Variants in NYNRIN observed in about 807,000 individuals in gnomAD.
NYNRIN encodes NYN domain and retroviral integrase containing.
NYNRIN carries 86 observed loss-of-function variants against 146.6 expected under a neutral mutation model. That is an observed-to-expected ratio of 0.59 (90% CI 0.49 to 0.70). The LOEUF (loss-of-function observed/expected upper bound fraction) is 0.70, where lower values mean the gene tolerates loss of function less well. NYNRIN is among the 30% of genes least tolerant of loss of function. NYNRIN has a pLI of 0.00. For synonymous variants in NYNRIN, 1,027 were observed against 1,001.3 expected (o/e 1.03, Z -0.48); for missense variants, 2,191 against 2,377.7 (o/e 0.92, Z 1.63).
At chr14:24,414,051 G>A (rs1183081501) in intron 8 of NYNRIN, among the ~76,000 whole-genome samples, 8 of 152,212 alleles carry the variant, frequency 5.3e-5, no homozygotes, top group Admixed American at 2.0e-4. Flanking sequence ...GCAGTAACTT[G>A]GATCCTCTGC....
chr14:24,413,502 G>A (rs1343285908), intron 8 of NYNRIN, 85 bp downstream of exon 8: 22 of 814,832 alleles, frequency 2.7e-5, no homozygotes, highest in East Asian at 1.1e-4. Flanking sequence ...CATCTAGTGC[G>A]TAATAATGAT....
Position 24,415,155 on chromosome 14 carries a change from G to A in NYNRIN, c.3406G>A (p.Glu1136Lys), listed in dbSNP as rs764543033. 3 of 1,606,242 alleles carry A rather than the reference G, an allele frequency of 1.9e-6. No homozygotes were observed. Among genetic ancestry groups the A allele is most frequent in the East Asian group, 4.5e-5 (2 of 44,800 alleles). The change falls in exon 9 of 9, where the codon GAG becomes AAG. Residue 1136 changes from glutamate to lysine, a missense_variant. Physicochemically the swap from Glu to Lys is moderately conservative, Grantham distance 56 (BLOSUM62 1). Around this residue, in one of 3 missense-constraint regions of NYNRIN, gnomAD observed 1,291 missense variants for 1,417.0 expected, o/e 0.91. Transcript: ENST00000382554. ...CTGGCAGTGGGACCAGGAGCATGAG[G>A]AGGCCTTCCTGGCCCTGAAGCGAGC... ...PDWQWDQEHE[E>K]AFLALKRALV...
Position 24,415,338 on chromosome 14 carries a change from G to A in NYNRIN, c.3589G>A (p.Glu1197Lys). 1.2e-6 allele frequency: 2 copies of A among 1,613,974 alleles called. No individual in the cohort carries two copies. The highest frequency in any genetic ancestry group is 1.7e-6 in the Non-Finnish European group (2 of 1,179,866). ...AYTSKPLLPD[E>K]ESQGPQSGGD... ...TACCTCAAAACCCCTCCTCCCTGATGAGGAGAGCCAGGGCCCCCAGTCAGG... is the reference window on the plus strand; with the variant it reads ...TACCTCAAAACCCCTCCTCCCTGATAAGGAGAGCCAGGGCCCCCAGTCAGG... Residue 1197 changes from glutamate to lysine, a missense_variant, in exon 9 of 9, where the codon GAG becomes AAG. By Grantham distance (56) the Glu-to-Lys change is moderately conservative. This residue lies in a region of NYNRIN where 1,291 missense variants were observed against 1,417.0 expected (regional missense o/e 0.91). Transcript: ENST00000382554.
intron 2 of NYNRIN, among the ~76,000 whole-genome samples, chr14:24,402,436 G>T (rs1037605589): frequency 1.3e-5 from 2 of 152,146 alleles, no homozygotes; most frequent in African/African-American, 4.8e-5. Context: ...TAAAGGCAGT[G>T]GTGGTGGGCA....
chr14:24,404,170 C>G (rs2042862644), intron 2 of NYNRIN, among the ~76,000 whole-genome samples: 1 of 152,218 alleles, frequency 6.6e-6, no homozygotes, highest in African/African-American at 2.4e-5. Context: ...TGTGCTATCT[C>G]TGTCCTCTCT....
At position 24,411,856 on chromosome 14, in the gene NYNRIN, A is replaced by T. The variant is rs1323558594; in HGVS notation, c.2642+406A>T. On this transcript the variant is annotated intron_variant, in intron 6 of 8. Coordinates refer to ENST00000382554, the MANE Select transcript of NYNRIN (RefSeq NM_025081.3). This position sits in a 1 kb window ranked among gnomAD's most constrained non-coding sequence, Gnocchi z 4.3. The stretch of plus-strand genomic sequence containing the variant: ...ACTGGTGGAGGTCTGTGCATGGCTG[A>T]TGTGGATGGAGCCCTGGGCAGGGCT... Among the ~76,000 whole-genome samples, 1 of 152,040 alleles carries T rather than the reference A, an allele frequency of 6.6e-6. No homozygotes were observed. Among genetic ancestry groups the T allele is most frequent in the African/African-American group, 2.4e-5 (1 of 41,384 alleles).
Position 24,416,238 on chromosome 14 carries a change from G to T in NYNRIN, c.4489G>T (p.Ala1497Ser). The change falls in exon 9 of 9, where the codon GCT (alanine) becomes TCT (serine). Residue 1497 changes from alanine (A) to serine (S), a missense_variant. Coordinates refer to ENST00000382554, the MANE Select transcript of NYNRIN (RefSeq NM_025081.3). ...TLADIIARLQ[A>S]GQKLSGSSPF... ...GGCCGACATCATTGCCAGGCTGCAG[G>T]CTGGGCAGAAACTGTCTGGCTCCTC... The T allele has an allele frequency of 6.2e-7, 1 of 1,613,974 alleles. No homozygotes were observed.
chr14:24,409,501 A>T lies in NYNRIN; in HGVS notation c.1707A>T (p.Lys569Asn). ...CTCAAGTGCCATCTGCAGCTCCCAAACTGCCTACATCTCGAATGATGCTGG... is the reference window on the plus strand; with the variant it reads ...CTCAAGTGCCATCTGCAGCTCCCAATCTGCCTACATCTCGAATGATGCTGG... ...SRTQVPSAAP[K>N]LPTSRMMLAV... The change falls in exon 4 of 9, where the codon AAA becomes AAT. Residue 569 changes from lysine (K) to asparagine (N), a missense_variant. This residue lies in a region of NYNRIN where 895 missense variants were observed against 941.2 expected (regional missense o/e 0.95). Coordinates refer to ENST00000382554, the MANE Select transcript of NYNRIN (RefSeq NM_025081.3). 1.9e-6 allele frequency: 3 copies of T among 1,613,756 alleles called. No homozygotes were observed.
Position 24,399,332 on chromosome 14 carries a change from T to A in NYNRIN, c.86T>A (p.Leu29Gln). ...AAGCCTCGGGTGCAGCGGCAGCGGC[T>A]GCAAGTGCAGCGCATCTTTAGGGTC... ...KSKPRVQRQRLQVQRIFRVKL... is the reference protein window; with the variant it reads ...KSKPRVQRQRQQVQRIFRVKL... Residue 29 changes from leucine (L) to glutamine (Q), a missense_variant, in exon 2 of 9, where the codon CTG (leucine) becomes CAG (glutamine). Physicochemically the swap from Leu to Gln is moderately radical, Grantham distance 113. Coordinates refer to ENST00000382554, the MANE Select transcript of NYNRIN (RefSeq NM_025081.3). 6.2e-7 allele frequency: 1 copy of A among 1,613,844 alleles called. No homozygotes were observed. The highest frequency in any genetic ancestry group is 8.5e-7 in the Non-Finnish European group (1 of 1,179,854).
Position 24,409,220 on chromosome 14 carries a change from C to T in NYNRIN, c.1426C>T (p.Leu476Phe). 6.2e-7 allele frequency: 1 copy of T among 1,613,686 alleles called. No homozygotes were observed. Among genetic ancestry groups the T allele is most frequent in the Admixed American group, 1.7e-5 (1 of 59,976 alleles). Residue 476 changes from leucine (L) to phenylalanine (F), a missense_variant, in exon 4 of 9, where the codon CTC (leucine) becomes TTC (phenylalanine). By Grantham distance (22) the Leu-to-Phe change is conservative. Around this residue, in one of 3 missense-constraint regions of NYNRIN, gnomAD observed 895 missense variants for 941.2 expected, o/e 0.95. Transcript: ENST00000382554. ...SDVKDKVSSD[L>F]PQIGPPLTST... ...TGTAAAAGACAAAGTTAGCTCGGATCTCCCACAGATAGGGCCACCCTTGAC... is the reference window on the plus strand; with the variant it reads ...TGTAAAAGACAAAGTTAGCTCGGATTTCCCACAGATAGGGCCACCCTTGAC...
Position 24,407,957 on chromosome 14 carries a change from GC to G in NYNRIN, c.289del (p.Leu97SerfsTer22). ...ILHCAFLGAQ[G>X]LFLDCLCWST... ...CACTGTGCCTTCCTTGGGGCCCAAG[GC>G]CTCTTCCTGGACTGCCTCTGCTGGA... On this transcript the variant is annotated frameshift_variant, in exon 3 of 9. Transcript: ENST00000382554. LOFTEE classifies it high-confidence loss of function. The G allele has an allele frequency of 6.2e-7, 1 of 1,614,014 alleles. No homozygotes were observed. The highest frequency in any genetic ancestry group is 2.2e-5 in the East Asian group (1 of 44,886).
Position 24,408,845 on chromosome 14 carries a change from A to G in NYNRIN, c.1051A>G (p.Thr351Ala). Residue 351 changes from threonine to alanine, a missense_variant, in exon 4 of 9, where the codon ACC (threonine) becomes GCC (alanine). By Grantham distance (58) the Thr-to-Ala change is moderately conservative. Around this residue, in one of 3 missense-constraint regions of NYNRIN, gnomAD observed 895 missense variants for 941.2 expected, o/e 0.95. Transcript: ENST00000382554. ...LGVCPPWKAW[T>A]PGPAFGPLWP... ...TGTGTGCCCACCCTGGAAGGCCTGG[A>G]CCCCGGGGCCAGCCTTTGGGCCATT... The G allele has an allele frequency of 1.2e-6, 2 of 1,613,976 alleles. No homozygotes were observed. Among genetic ancestry groups the G allele is most frequent in the Non-Finnish European group, 1.7e-6 (2 of 1,179,870 alleles).
intron 2 of NYNRIN, among the ~76,000 whole-genome samples, chr14:24,402,613 CCACTGTTAAAATT>C (rs1312264521): frequency 1.3e-5 from 2 of 151,974 alleles, no homozygotes; most frequent in African/African-American, 4.8e-5. Context: ...TCCTATGGAC[CCACTGTTAAAATT>C]TCGGGAATTG....
At position 24,408,632 on chromosome 14, in the gene NYNRIN, TGAACTTG is replaced by T; in HGVS notation, c.858-18_858-12del. 1 of 1,570,946 alleles carries T rather than the reference TGAACTTG, an allele frequency of 6.4e-7. No individual in the cohort carries two copies. The highest frequency in any genetic ancestry group is 1.2e-5 in the South Asian group (1 of 83,664). On this transcript the variant is annotated splice_polypyrimidine_tract_variant and intron_variant, in intron 3 of 8. Coordinates refer to ENST00000382554, the MANE Select transcript of NYNRIN (RefSeq NM_025081.3). Reference sequence around the variant, plus strand: ...CCAAACTGGCCTTCCACCTTTTCAATGAACTTGGGCTTCCTCCAGGGTCGGTTCCAAC... The same window carrying T: ...CCAAACTGGCCTTCCACCTTTTCAATGGCTTCCTCCAGGGTCGGTTCCAAC...
In NYNRIN at chr14:24,412,985, C is replaced by G; in HGVS notation, c.2643-12C>G. On this transcript the variant is annotated splice_polypyrimidine_tract_variant and intron_variant, in intron 6 of 8. Transcript: ENST00000382554. Reference sequence around the variant, plus strand: ...GTTACTGGGTCATTAGTGACTTCCCCTCTCCCTGCAGGTTCATGGTAAAGC... The same window carrying G: ...GTTACTGGGTCATTAGTGACTTCCCGTCTCCCTGCAGGTTCATGGTAAAGC... 1 of 1,572,044 alleles carries G rather than the reference C, an allele frequency of 6.4e-7. No homozygotes were observed. The highest frequency in any genetic ancestry group is 1.2e-5 in the South Asian group (1 of 85,682).
At position 24,417,305 on chromosome 14, in the gene NYNRIN, C is replaced by T. The variant is rs778465792; in HGVS notation, c.5556C>T (p.Ile1852=). 67 of 1,613,198 alleles carry T rather than the reference C, an allele frequency of 4.2e-5. No individual in the cohort carries two copies. Among genetic ancestry groups the T allele is most frequent in the East Asian group, 1.6e-4 (7 of 44,856 alleles). The change falls in exon 9 of 9, where the codon ATC becomes ATT. Residue 1852 remains isoleucine, a synonymous_variant. Coordinates refer to ENST00000382554, the MANE Select transcript of NYNRIN (RefSeq NM_025081.3). The part of the protein sequence containing the change: ...SSAKWVGPFY[I]GDRLSLSLYR... ...CCAAATGGGTGGGTCCCTTCTATATCGGGGACCGGCTGAGCCTGTCACTCT... is the reference window on the plus strand; with the variant it reads ...CCAAATGGGTGGGTCCCTTCTATATTGGGGACCGGCTGAGCCTGTCACTCT...
Position 24,411,320 on chromosome 14 carries a change from T to C in NYNRIN, c.2546-34T>C. On this transcript the variant is annotated intron_variant, in intron 5 of 8. Transcript: ENST00000382554. The surrounding 1 kb of genome is among the most constrained non-coding windows in gnomAD (Gnocchi z 4.3). ...GTGGCCATTTCCACTTAGCCCTCCC[T>C]TGACCATTTCTGTCTTCTGCCTTTC... 1 of 1,613,314 alleles carries C rather than the reference T, an allele frequency of 6.2e-7. No individual in the cohort carries two copies.
Position 24,418,354 on chromosome 14 carries a change from G to A in NYNRIN, c.*908G>A, listed in dbSNP as rs898898220. On this transcript the variant is annotated 3_prime_UTR_variant, in exon 9 of 9. Coordinates refer to ENST00000382554, the MANE Select transcript of NYNRIN (RefSeq NM_025081.3). ...GTGGCACACGGTGAAGTGCTGGCAT[G>A]GCTCTACCTCCCAACCCCTCCCAAC... 70 of 449,748 alleles carry A rather than the reference G, an allele frequency of 1.6e-4. No individual in the cohort carries two copies. The highest frequency in any genetic ancestry group is 1.3e-3 in the African/African-American group (63 of 49,784). 27.9% of individuals were successfully genotyped at this position (449,748 alleles called of 1,614,324 possible).
intron 2 of NYNRIN, among the ~76,000 whole-genome samples, chr14:24,403,374 G>A (rs770866628): frequency 2.0e-5 from 3 of 152,184 alleles, no homozygotes; most frequent in Non-Finnish European, 2.9e-5. Flanking sequence ...TCTTGGCGCC[G>A]TCTCTCCTGT....
Sources: allele counts gnomAD v4.1 joint callset (sites outside exome capture counted in the v4.1 genomes callset), GRCh38; gene constraint gnomAD v4.1.1; regional missense constraint gnomAD v4.1.1; non-coding constraint Gnocchi (gnomAD v3.1); transcripts MANE v1.5; gene names NCBI Gene and HGNC (gene_info 2026-07-23, HGNC 2026-07-21).